NFATC1: variants seen among roughly 807,000 people sequenced by gnomAD.
NFATC1 encodes the protein nuclear factor of activated T cells 1.
NFATC1 carries 22 observed loss-of-function variants against 76.0 expected under a neutral mutation model. The observed-to-expected ratio is 0.29, with a 90% confidence interval of 0.21 to 0.41. The LOEUF (loss-of-function observed/expected upper bound fraction) is 0.41. Ranked by LOEUF, NFATC1 falls within the 10% of genes least tolerant of loss-of-function variation. NFATC1 has a pLI of 1.00. For missense variants in NFATC1, 1,357 were observed against 1,337.7 expected (o/e 1.01, Z -0.23); for synonymous variants, 704 against 613.1 (o/e 1.15, Z -2.19).
At chr18:79,507,147 G>A (rs1377283155) in intron 9 of NFATC1, among the ~76,000 whole-genome samples, 1 of 152,224 alleles carries the variant, frequency 6.6e-6, no homozygotes, top group Admixed American at 6.5e-5. Context: ...CCCCTGGCCC[G>A]CGTCCCACCC....
At chr18:79,449,080 T>G (rs1403928162) in intron 4 of NFATC1, 96 bp downstream of exon 4, 1 of 1,249,390 alleles carries the variant, frequency 8.0e-7, no homozygotes, top group African/African-American at 1.5e-5. Context: ...CCCCCGCACT[T>G]CCAGGCTGCG....
At chr18:79,511,135 C>T (rs1320625550) in intron 9 of NFATC1, among the ~76,000 whole-genome samples, 4 of 152,228 alleles carry the variant, frequency 2.6e-5, no homozygotes, top group East Asian at 1.9e-4. Flanking sequence ...GCCTTCCTGC[C>T]GCACCGCTCC....
chr18:79,472,888 G>T (rs2088843414), intron 8 of NFATC1, among the ~76,000 whole-genome samples: 1 of 152,200 alleles, frequency 6.6e-6, no homozygotes, highest in Admixed American at 6.5e-5. Context: ...ACGCACCAGG[G>T]CCTGGTCACA....
rs369671651 is a variant in NFATC1, at chr18:79,425,271, C to CTGTCTCTG, written c.1227-8307_1227-8306insGTCTCTGT. On this transcript the variant is annotated intron_variant, in intron 2 of 9. Coordinates refer to ENST00000427363, the MANE Select transcript of NFATC1 (RefSeq NM_001278669.2). ...TCTGTTTCTCTCCCTGTCTCTGTCT[C>CTGTCTCTG]TCTCTCTGTCTGTCTTTCTTTCTTA... 6.3e-5 allele frequency among the ~76,000 whole-genome samples: 7 copies of CTGTCTCTG among 111,702 alleles called. 1 individual carries two copies. In the East Asian group the frequency reaches 1.1e-3, roughly 18 times the overall value. The allele number at this position is 111,702 out of a possible 152,430, so 73.3% of individuals were successfully genotyped here. A position where few individuals can be genotyped will look rare whatever the true frequency, so the allele number is the denominator to read the frequency against.
Position 79,425,055 on chromosome 18 carries a change from TTCTCTC to T in NFATC1, c.1227-8520_1227-8515del, listed in dbSNP as rs1157904337. Among the ~76,000 whole-genome samples, 160 of 65,650 alleles carry T rather than the reference TTCTCTC, an allele frequency of 2.4e-3. 1 individual carries two copies. Among genetic ancestry groups the T allele is most frequent in the African/African-American group, 0.017 (144 of 8,364 alleles). 43.1% of individuals were successfully genotyped at this position (65,650 alleles called of 152,430 possible). A position where few individuals can be genotyped will look rare whatever the true frequency, so the allele number is the denominator to read the frequency against. ...TCTCCATCTCTCTCTCCGTCTCTGTTTCTCTCTCTGTTTCTCTCTCTGTCTCTCCAT... is the reference window on the plus strand; with the variant it reads ...TCTCCATCTCTCTCTCCGTCTCTGTTTCTGTTTCTCTCTCTGTCTCTCCAT... On this transcript the variant is annotated intron_variant, in intron 2 of 9. Transcript: ENST00000427363.
intron 3 of NFATC1, among the ~76,000 whole-genome samples, chr18:79,446,107 C>G (rs1373436374): frequency 6.6e-6 from 1 of 152,194 alleles, no homozygotes; most frequent in Non-Finnish European, 1.5e-5. Context: ...CTGACAGGTT[C>G]TGTACTGTGC....
At chr18:79,499,701 A>G (rs9964464) in intron 9 of NFATC1, among the ~76,000 whole-genome samples, 6,445 of 152,308 alleles carry the variant, frequency 0.042, 425 homozygotes, top group African/African-American at 0.15. Flanking sequence ...ATACTGTGCA[A>G]TAGTAATCAA....
chr18:79,501,770 T>C (rs999992068), intron 9 of NFATC1, among the ~76,000 whole-genome samples: 3 of 152,178 alleles, frequency 2.0e-5, no homozygotes, highest in African/African-American at 7.2e-5. Context: ...ATCTACGATA[T>C]AGCATTAAAA....
rs983187513 is a variant in NFATC1, at chr18:79,510,666, C to A, written c.2783-16862C>A. Among the ~76,000 whole-genome samples, 3 of 152,234 alleles carry A rather than the reference C, an allele frequency of 2.0e-5. No homozygotes were observed. In the South Asian group the frequency reaches 6.2e-4, roughly 32 times the overall value. On this transcript the variant is annotated intron_variant, in intron 9 of 9. Transcript: ENST00000427363. ...GAGATGCATTCCCAGTTGCCAGGCT[C>A]GGTTTCCAAGTCTGCTGGGTTTGGG... is the stretch of plus-strand genomic sequence containing the variant.
At chr18:79,437,249 C>T (rs117997701) in intron 3 of NFATC1, among the ~76,000 whole-genome samples, 1 of 152,330 alleles carries the variant, frequency 6.6e-6, no homozygotes, top group East Asian at 1.9e-4. Flanking sequence ...AGGGGTCTGG[C>T]GTGGGCCTCA....
At chr18:79,452,023 A>G in intron 6 of NFATC1, 1 of 531,358 alleles carries the variant, frequency 1.9e-6, no homozygotes, top group South Asian at 4.0e-5. Context: ...TGAAGGGAAG[A>G]GGTGGATGTT....
Position 79,527,652 on chromosome 18 carries a change from GAA to G in NFATC1, c.*76_*77del, listed in dbSNP as rs36030277. 0.059 allele frequency: 78,587 copies of G among 1,342,076 alleles called. 2,866 individuals are homozygous for G. Among genetic ancestry groups the G allele is most frequent in the Admixed American group, 0.12 (7,254 of 58,552 alleles). 83.1% of individuals were successfully genotyped at this position (1,342,076 alleles called of 1,614,324 possible). A position where few individuals can be genotyped will look rare whatever the true frequency, so the allele number is the denominator to read the frequency against. On this transcript the variant is annotated 3_prime_UTR_variant, in exon 10 of 10. Coordinates refer to ENST00000427363, the MANE Select transcript of NFATC1 (RefSeq NM_001278669.2). ...ACAAAGACTTTTGAATAAATAAACT[GAA>G]CTCACACCTGGTACCACTCAGAACC... is the stretch of plus-strand genomic sequence containing the variant.
chr18:79,402,943 A>G (rs1455769557), intron 1 of NFATC1, among the ~76,000 whole-genome samples: 1 of 152,274 alleles, frequency 6.6e-6, no homozygotes, highest in Admixed American at 6.5e-5. Flanking sequence ...TCTGAGATCA[A>G]TTGCAAAGCA....
intron 9 of NFATC1, among the ~76,000 whole-genome samples, chr18:79,498,579 TATAG>T (rs2089949792): frequency 6.6e-6 from 1 of 152,168 alleles, no homozygotes; most frequent in Non-Finnish European, 1.5e-5. Flanking sequence ...CATAATGAGT[TATAG>T]AAAGAGATGA....
intron 9 of NFATC1, chr18:79,493,469 G>A (rs928369626): frequency 1.3e-5 from 2 of 152,256 alleles, no homozygotes; most frequent in Non-Finnish European, 2.9e-5. Flanking sequence ...GCCGCCGCAC[G>A]GCCTCTGCCA....
Position 79,486,580 on chromosome 18 carries a change from A to G in NFATC1, c.2425A>G (p.Thr809Ala). The change falls in exon 9 of 10, where the codon ACG (threonine) becomes GCG (alanine). Residue 809 changes from threonine to alanine, a missense_variant. Physicochemically the swap from Thr to Ala is moderately conservative, Grantham distance 58 (BLOSUM62 0). Transcript: ENST00000427363. The stretch of plus-strand genomic sequence containing the variant: ...CCAGGACGTGCCCAGGCCAGTGGCC[A>G]CGCACCCCGGCTCGCCCGGGCAGCC... Reference protein sequence around the residue: ...AVQDVPRPVATHPGSPGQPPP... With the variant: ...AVQDVPRPVAAHPGSPGQPPP... The G allele has an allele frequency of 6.3e-7, 1 of 1,591,272 alleles. No homozygotes were observed. The highest frequency in any genetic ancestry group is 8.5e-7 in the Non-Finnish European group (1 of 1,173,420).
At chr18:79,444,014 A>AG (rs1345123935) in intron 3 of NFATC1, among the ~76,000 whole-genome samples, 7 of 152,126 alleles carry the variant, frequency 4.6e-5, no homozygotes, top group African/African-American at 1.7e-4. Context: ...TGGAGGGTTG[A>AG]GGGAGTGTTG....
intron 1 of NFATC1, among the ~76,000 whole-genome samples, chr18:79,409,685 T>G (rs372113512): frequency 3.9e-4 from 60 of 152,252 alleles, no homozygotes; most frequent in African/African-American, 1.4e-3. Context: ...TACCTGTCTA[T>G]CCATCATCCA....
rs773991020 is a variant in NFATC1, at chr18:79,467,575, C to T, written c.2085C>T (p.Pro695=). Reference sequence around the variant, plus strand: ...AGTACCAGCGTTTCACCTACCTTCCCGCCAACGGTAACGCCATCTTTCTAA... The same window carrying T: ...AGTACCAGCGTTTCACCTACCTTCCTGCCAACGGTAACGCCATCTTTCTAA... ...RSQYQRFTYL[P]ANVPIIKTEP... is the part of the protein sequence containing the mutation. The change falls in exon 8 of 10, where the codon CCC becomes CCT. Residue 695 remains proline (P), a synonymous_variant. Transcript: ENST00000427363. 9 of 1,613,936 alleles carry T rather than the reference C, an allele frequency of 5.6e-6. No individual in the cohort carries two copies. Among genetic ancestry groups the T allele is most frequent in the East Asian group, 4.5e-5 (2 of 44,876 alleles).
Sources: allele counts gnomAD v4.1 joint callset (sites outside exome capture counted in the v4.1 genomes callset), GRCh38; gene constraint gnomAD v4.1.1; transcripts MANE v1.5; gene names NCBI Gene and HGNC (gene_info 2026-07-23, HGNC 2026-07-21).